RHAG: variants seen among roughly 807,000 people sequenced by gnomAD.
The protein encoded by RHAG is ammonium transporter Rh type A.
In RHAG, 25 loss-of-function variants were observed where a neutral mutation model predicts 42.4. The observed-to-expected ratio is 0.59, with a 90% CI of 0.43 to 0.82. The LOEUF (loss-of-function observed/expected upper bound fraction) is 0.82. Among genes scored for constraint, RHAG ranks in the 40% least tolerant of loss-of-function variants. RHAG has a pLI of 0.00. For missense variants in RHAG, 483 were observed against 504.6 expected, an observed-to-expected ratio of 0.96 and a Z score of 0.41; for synonymous variants, 182 against 177.7, an observed-to-expected ratio of 1.02 and a Z score of -0.19.
In RHAG at chr6:49,618,229, A is replaced by G; in HGVS notation, c.342-11T>C. ...TCTGCATTTATCATGCTGAAGGGAA[A>G]CAAGAATAAATTGAAGAGTAATGCA... On this transcript the variant is annotated splice_polypyrimidine_tract_variant and intron_variant, in intron 2 of 9. Coordinates refer to ENST00000371175, the MANE Select transcript of RHAG (RefSeq NM_000324.3). The G allele has an allele frequency of 6.2e-7, 1 of 1,614,118 alleles. No homozygotes were observed. Among genetic ancestry groups the G allele is most frequent in the Admixed American group, 1.7e-5 (1 of 60,022 alleles).
At chr6:49,635,919 G>A (rs1401227978) in intron 1 of RHAG, among the ~76,000 whole-genome samples, 1 of 151,978 alleles carries the variant, frequency 6.6e-6, no homozygotes, top group Non-Finnish European at 1.5e-5. Context: ...ACATACTACT[G>A]TCTTCCTTCC....
chr6:49,613,445 T>G (rs1762599795), intron 5 of RHAG, among the ~76,000 whole-genome samples: 1 of 152,202 alleles, frequency 6.6e-6, no homozygotes, highest in African/African-American at 2.4e-5. Context: ...GCAGAGGTCA[T>G]CAGTACTTTT....
chr6:49,627,890 C>T (rs1186944332), intron 1 of RHAG, among the ~76,000 whole-genome samples: 1 of 152,076 alleles, frequency 6.6e-6, no homozygotes, highest in Non-Finnish European at 1.5e-5. Flanking sequence ...CCTCCCACGA[C>T]ATGTGGAAAT....
At chr6:49,619,453 C>T (rs908805175) in intron 1 of RHAG, 91 bp from the exon 2 acceptor site, 1 of 1,161,792 alleles carries the variant, frequency 8.6e-7, no homozygotes, top group Non-Finnish European at 1.3e-6. Context: ...AGTGCTACCA[C>T]CTTTGTATAA....
intron 4 of RHAG, chr6:49,615,269 T>C (rs1762634442): frequency 3.7e-6 from 1 of 273,468 alleles, no homozygotes; most frequent in Non-Finnish European, 6.9e-6. Context: ...TAGTTTCCTT[T>C]GGCCACTGAC....
chr6:49,618,870 C>T (rs1313568548), intron 2 of RHAG, among the ~76,000 whole-genome samples: 1 of 152,056 alleles, frequency 6.6e-6, no homozygotes, highest in Non-Finnish European at 1.5e-5. Context: ...TAACAGAAAT[C>T]TATTTCTTAT....
intron 1 of RHAG, chr6:49,632,192 T>C (rs930243585): frequency 6.6e-6 from 1 of 152,206 alleles, no homozygotes; most frequent in Non-Finnish European, 1.5e-5. Context: ...AAAGCACTAC[T>C]GAAATGTGAT....
chr6:49,626,862 G>T (rs183337501), intron 1 of RHAG, among the ~76,000 whole-genome samples: 80 of 152,368 alleles, frequency 5.3e-4, no homozygotes, highest in Non-Finnish European at 9.0e-4. Flanking sequence ...AATACCACAT[G>T]TAAACTGCCA....
chr6:49,618,845 T>C (rs1762701230), intron 2 of RHAG, among the ~76,000 whole-genome samples: 1 of 152,116 alleles, frequency 6.6e-6, no homozygotes, highest in South Asian at 2.1e-4. Context: ...TACCATAAAC[T>C]GGGTTGTTTA....
At chr6:49,629,985 A>G (rs1251663602) in intron 1 of RHAG, among the ~76,000 whole-genome samples, 1 of 152,188 alleles carries the variant, frequency 6.6e-6, no homozygotes, top group Admixed American at 6.5e-5. Context: ...CCAGCCCAGA[A>G]AGAGGTTCCC....
At chr6:49,630,534 C>G (rs901684415) in intron 1 of RHAG, among the ~76,000 whole-genome samples, 1 of 152,142 alleles carries the variant, frequency 6.6e-6, no homozygotes, top group Non-Finnish European at 1.5e-5. Context: ...GGGTTGTATT[C>G]TAAACTCATC....
At chr6:49,623,084 C>T (rs1762791166) in intron 1 of RHAG, among the ~76,000 whole-genome samples, 2 of 152,030 alleles carry the variant, frequency 1.3e-5, no homozygotes, top group Non-Finnish European at 1.5e-5. Context: ...GTGATCCGCC[C>T]GCCTCGGCCT....
intron 8 of RHAG, 68 bp downstream of exon 8, chr6:49,607,082 C>A: frequency 7.2e-7 from 1 of 1,395,628 alleles, no homozygotes; most frequent in Non-Finnish European, 1.0e-6. Flanking sequence ...TTGACTTGCT[C>A]ATTAATTATC....
At position 49,628,937 on chromosome 6, in the gene RHAG, C is replaced by A. The variant is rs1446011429; in HGVS notation, c.157+7719G>T. Among the ~76,000 whole-genome samples, 2 of 152,156 alleles carry A rather than the reference C, an allele frequency of 1.3e-5. 1 individual carries two copies. Among genetic ancestry groups the A allele is most frequent in the Non-Finnish European group, 2.9e-5 (2 of 68,028 alleles). Reference sequence around the variant, plus strand: ...TGTGGAAGGGGACCAGAGTGGGTTGCCACTGCTGGCTCAGGTAGCCTGCTT... The same window carrying A: ...TGTGGAAGGGGACCAGAGTGGGTTGACACTGCTGGCTCAGGTAGCCTGCTT... On this transcript the variant is annotated intron_variant, in intron 1 of 9. Coordinates refer to ENST00000371175, the MANE Select transcript of RHAG (RefSeq NM_000324.3).
intron 1 of RHAG, among the ~76,000 whole-genome samples, chr6:49,627,417 T>C (rs1169706490): frequency 1.3e-5 from 2 of 152,188 alleles, no homozygotes; most frequent in Non-Finnish European, 2.9e-5. Context: ...CATCTCACTA[T>C]CACCATTTTG....
chr6:49,632,826 C>G (rs547993567), intron 1 of RHAG, among the ~76,000 whole-genome samples: 33 of 152,106 alleles, frequency 2.2e-4, no homozygotes, highest in Non-Finnish European at 2.1e-4. Context: ...TTTCTCTAGT[C>G]CGTCTACATG....
At chr6:49,619,528 C>T (rs1243099304) in intron 1 of RHAG, among the ~76,000 whole-genome samples, 166 bp from the exon 2 acceptor site, 1 of 152,226 alleles carries the variant, frequency 6.6e-6, no homozygotes, top group Non-Finnish European at 1.5e-5. Flanking sequence ...AGCTTGACTA[C>T]TTACTAACCA....
intron 1 of RHAG, among the ~76,000 whole-genome samples, chr6:49,631,287 CA>C (rs1762931904): frequency 6.6e-6 from 1 of 152,024 alleles, no homozygotes; most frequent in African/African-American, 2.4e-5. Flanking sequence ...ACTTTTCACC[CA>C]ATGATTTTAG....
intron 7 of RHAG, among the ~76,000 whole-genome samples, chr6:49,610,240 T>TA (rs1762551410): frequency 6.6e-6 from 1 of 152,096 alleles, no homozygotes; most frequent in Non-Finnish European, 1.5e-5. Context: ...TACACACAAT[T>TA]TAAAAAAATT....
Sources: allele counts gnomAD v4.1 joint callset (sites outside exome capture counted in the v4.1 genomes callset), GRCh38; gene constraint gnomAD v4.1.1; transcripts MANE v1.5; gene names NCBI Gene and HGNC (gene_info 2026-07-23, HGNC 2026-07-21).